The following MACF1 variants were observed in gnomAD, a reference collection of about 807,000 sequenced individuals.
The protein encoded by MACF1 is microtubule-actin cross-linking factor 1.
In MACF1, 193 loss-of-function variants were observed where a neutral mutation model predicts 854.8. That is an observed-to-expected ratio of 0.23 (90% CI 0.20 to 0.25). MACF1 has a LOEUF of 0.25. Ranked by LOEUF, MACF1 falls within the 10% of genes least tolerant of loss-of-function variation. MACF1 has a pLI of 1.00. For synonymous variants in MACF1, 3,185 were observed against 3,226.7 expected (o/e 0.99, Z 0.44); for missense variants, 7,722 against 8,929.1 (o/e 0.86, Z 5.45).
At chr1:39,233,623 T>G (rs1414310675) in intron 2 of MACF1, among the ~76,000 whole-genome samples, 1 of 151,988 alleles carries the variant, frequency 6.6e-6, no homozygotes, top group Non-Finnish European at 1.5e-5. Flanking sequence ...TAGGGCCACT[T>G]GTTTAGTGGG....
chr1:39,475,468 C>CCAAA (rs1644861055), intron 97 of MACF1, among the ~76,000 whole-genome samples: 1 of 121,188 alleles, frequency 8.3e-6, no homozygotes, highest in Admixed American at 8.7e-5. Flanking sequence ...GACCCTGTCT[C>CCAAA]AAAAAAAAAA....
At chr1:39,458,616 C>A in intron 90 of MACF1, 126 bp downstream of exon 90, 1 of 1,262,068 alleles carries the variant, frequency 7.9e-7, no homozygotes, top group Non-Finnish European at 1.1e-6. Flanking sequence ...GAACCAAAAT[C>A]TCTCATTTTT....
At chr1:39,298,271 G>T (rs1019374637) in intron 21 of MACF1, among the ~76,000 whole-genome samples, 2 of 152,024 alleles carry the variant, frequency 1.3e-5, no homozygotes, top group African/African-American at 4.8e-5. Flanking sequence ...TGTAATATTT[G>T]TGCAGTTATT....
intron 58 of MACF1, chr1:39,414,071 C>T (rs1320606500): frequency 1.2e-6 from 2 of 1,606,598 alleles, no homozygotes; most frequent in South Asian, 1.1e-5. Flanking sequence ...GAACTCAGTT[C>T]CCCAGCAGCT....
rs1645838315 is a variant in MACF1 at position 39,293,562 on chromosome 1, A to G, written c.2097A>G (p.Leu699=). ...IWLNEKEEEE[L]AYDWSDNNSN... Reference sequence around the variant, plus strand: ...TGAATGAGAAGGAGGAGGAGGAACTAGCATATGACTGGAGTGACAACAATT... The same window carrying G: ...TGAATGAGAAGGAGGAGGAGGAACTGGCATATGACTGGAGTGACAACAATT... The change falls in exon 18 of 101, where the codon CTA becomes CTG. Residue 699 remains leucine (L), a synonymous_variant. Coordinates refer to ENST00000564288, the MANE Select transcript of MACF1 (RefSeq NM_001394062.1). The G allele has an allele frequency of 6.2e-7, 1 of 1,614,024 alleles. No individual in the cohort carries two copies. Among genetic ancestry groups the G allele is most frequent in the East Asian group, 2.2e-5 (1 of 44,890 alleles).
chr1:39,285,499 CCTTT>C, intron 13 of MACF1, 101 bp from the exon 14 acceptor site: 1 of 1,430,106 alleles, frequency 7.0e-7, no homozygotes, highest in Non-Finnish European at 9.6e-7. Context: ...GTATTATTTC[CCTTT>C]TTTTTTTTTT....
At chr1:39,386,329 T>C (rs1569835916) in intron 57 of MACF1, among the ~76,000 whole-genome samples, 1 of 151,734 alleles carries the variant, frequency 6.6e-6, no homozygotes, top group South Asian at 2.1e-4. Context: ...AGTGCGATCA[T>C]GGCTCACTGC....
intron 2 of MACF1, among the ~76,000 whole-genome samples, chr1:39,107,767 TTGA>T (rs1286905056): frequency 6.6e-6 from 1 of 152,148 alleles, no homozygotes; most frequent in Non-Finnish European, 1.5e-5. Context: ...AAAATAGATA[TTGA>T]TGATGGTGGG....
intron 82 of MACF1, 50 bp from the exon 83 acceptor site, chr1:39,447,983 G>A: frequency 6.2e-7 from 1 of 1,612,536 alleles, no homozygotes; most frequent in South Asian, 1.1e-5. Context: ...CAAACGTGCT[G>A]TATAGTGTGT....
intron 2 of MACF1, among the ~76,000 whole-genome samples, chr1:39,110,410 A>C (rs1463571933): frequency 6.6e-6 from 1 of 151,234 alleles, no homozygotes; most frequent in Non-Finnish European, 1.5e-5. Flanking sequence ...GCTAATTTTT[A>C]AGTATTTTGA....
At position 39,190,400 on chromosome 1, in the gene MACF1, TG is replaced by T. The variant is rs138554801; in HGVS notation, c.221-40781del. On this transcript the variant is annotated intron_variant, in intron 2 of 93. Transcript: ENST00000361689. ...GTGTGTGTGTGTGTGTGTTTGTTTT[TG>T]TTTTTTTTTTTTTTTTTTGATGGAA... is the stretch of plus-strand genomic sequence containing the variant. Among the ~76,000 whole-genome samples, 353 of 122,670 alleles carry T rather than the reference TG, an allele frequency of 2.9e-3. 1 individual carries two copies. Among genetic ancestry groups the T allele is most frequent in the African/African-American group, 3.6e-3 (114 of 31,286 alleles). 80.5% of individuals were successfully genotyped at this position (122,670 alleles called of 152,430 possible).
intron 2 of MACF1, among the ~76,000 whole-genome samples, chr1:39,192,166 C>CA (rs1351415240): frequency 6.6e-6 from 1 of 152,100 alleles, no homozygotes; most frequent in East Asian, 1.9e-4. Context: ...AAGAAAAAAA[C>CA]AAAAAACTTA....
intron 52 of MACF1, among the ~76,000 whole-genome samples, chr1:39,375,974 G>A (rs1322401063): frequency 6.6e-6 from 1 of 152,188 alleles, no homozygotes; most frequent in Non-Finnish European, 1.5e-5. Flanking sequence ...GTTATTTAAT[G>A]TATTACACAT....
At chr1:39,410,939 G>A (rs1642968769) in intron 58 of MACF1, 6 of 1,613,870 alleles carry the variant, frequency 3.7e-6, no homozygotes, top group African/African-American at 1.3e-5. Flanking sequence ...CAGCAGCACA[G>A]TGCAAACCCT....
At position 39,428,283 on chromosome 1, in the gene MACF1, A is replaced by G. The variant is rs1298309289; in HGVS notation, c.16799A>G (p.His5600Arg). ...QDVLHRQHAD[H>R]LALNEEIVNR... ...GTCCTGCACAGGCAGCATGCTGACC[A>G]CCTGGTATTCATGTTTCCATTTTTA... The change falls in exon 63 of 101, where the codon CAC becomes CGC. Residue 5600 changes from histidine (H) to arginine (R), a missense_variant. By Grantham distance (29) the His-to-Arg change is conservative. Around this residue, in one of 15 missense-constraint regions of MACF1, gnomAD observed 2,807 missense variants for 3,235.8 expected, o/e 0.87. Transcript: ENST00000564288. 2 of 1,604,338 alleles carry G rather than the reference A, an allele frequency of 1.2e-6. No individual in the cohort carries two copies. The highest frequency in any genetic ancestry group is 4.5e-5 in the East Asian group (2 of 44,674).
intron 56 of MACF1, 142 bp from the exon 57 acceptor site, chr1:39,385,292 T>A (rs773754639): frequency 3.5e-6 from 3 of 862,426 alleles, no homozygotes; most frequent in Non-Finnish European, 5.4e-6. Flanking sequence ...AGTCTTGAAC[T>A]CCTGACCTCA....
At chr1:39,153,295 C>A (rs970650797) in intron 2 of MACF1, among the ~76,000 whole-genome samples, 7 of 152,114 alleles carry the variant, frequency 4.6e-5, no homozygotes, top group African/African-American at 1.7e-4. Flanking sequence ...GAGAGGGGAA[C>A]CTTAGTCTCA....
At position 39,428,602 on chromosome 1, in the gene MACF1, A is replaced by G. The variant is rs574939553; in HGVS notation, c.16803+315A>G. On this transcript the variant is annotated intron_variant, in intron 63 of 100. Transcript: ENST00000564288. ...ACTAAGATTCTATTTGAGCAGTTTT[A>G]TGAAAGATAATGTGCTTTAACAAAA... 1.4e-4 allele frequency among the ~76,000 whole-genome samples: 22 copies of G among 152,328 alleles called. No individual in the cohort carries two copies. The South Asian group carries it at 1.9e-3, about 13-fold the overall frequency.
intron 2 of MACF1, among the ~76,000 whole-genome samples, chr1:39,130,812 G>A (rs543232412): frequency 2.4e-4 from 36 of 151,778 alleles, no homozygotes; most frequent in Non-Finnish European, 4.4e-4. Flanking sequence ...AGAATTCTAA[G>A]CCAACTTTTT....
Sources: allele counts gnomAD v4.1 joint callset (sites outside exome capture counted in the v4.1 genomes callset), GRCh38; gene constraint gnomAD v4.1.1; regional missense constraint gnomAD v4.1.1; transcripts MANE v1.5; gene names NCBI Gene and HGNC (gene_info 2026-07-23, HGNC 2026-07-21).